LDB2: variants seen among roughly 807,000 people sequenced by gnomAD.
LDB2 encodes the protein LIM domain-binding protein 2.
A neutral mutation model predicts 44.3 loss-of-function variants in LDB2; 12 were observed. The ratio of observed to expected loss-of-function variants is 0.27; its 90% CI spans 0.17 to 0.44. The LOEUF is 0.44. LDB2 is among the 20% of genes least tolerant of loss of function. The pLI, the probability that LDB2 is intolerant of heterozygous loss-of-function variation, is 1.00. For synonymous variants in LDB2, 164 were observed against 174.8 expected (o/e 0.94, Z 0.49); for missense variants, 344 against 473.5 (o/e 0.73, Z 2.54).
rs60115973 is a variant in LDB2, at chr4:16,538,803, T to A, written c.616-26699A>T. Among the ~76,000 whole-genome samples, 1,377 of 152,342 alleles carry A rather than the reference T, an allele frequency of 9.0e-3. 46 individuals are homozygous for A. The East Asian group carries it at 0.12, about 14-fold the overall frequency. Reference sequence around the variant, plus strand: ...GCCTCTACTATGTGTTTGGCACTATTATTAAGTAGTCTGCATGTATTTTTA... The same window carrying A: ...GCCTCTACTATGTGTTTGGCACTATAATTAAGTAGTCTGCATGTATTTTTA... On this transcript the variant is annotated intron_variant, in intron 5 of 7. Coordinates refer to ENST00000304523, the MANE Select transcript of LDB2 (RefSeq NM_001290.5).
At chr4:16,542,110 G>GGGC (rs1553889229) in intron 5 of LDB2, among the ~76,000 whole-genome samples, 2 of 143,990 alleles carry the variant, frequency 1.4e-5, no homozygotes, top group Non-Finnish European at 3.0e-5. Flanking sequence ...GTGGGGGGGG[G>GGGC]GGCGCGAGCA....
In LDB2 at chr4:16,738,620, G is replaced by A. The variant is rs116242400; in HGVS notation, c.235+20538C>T. On this transcript the variant is annotated intron_variant, in intron 2 of 7. Coordinates refer to ENST00000304523, the MANE Select transcript of LDB2 (RefSeq NM_001290.5). Reference sequence around the variant, plus strand: ...ATGTCAAATGTGAAGAGACACTTTTGCTTTCACATTTTCTATGAAGACTCT... The same window carrying A: ...ATGTCAAATGTGAAGAGACACTTTTACTTTCACATTTTCTATGAAGACTCT... 2.5e-3 allele frequency among the ~76,000 whole-genome samples: 374 copies of A among 152,276 alleles called. 2 individuals carry two copies. The highest frequency in any genetic ancestry group is 8.5e-3 in the African/African-American group (352 of 41,560).
At chr4:16,796,646 TG>T (rs142820667) in intron 1 of LDB2, among the ~76,000 whole-genome samples, 5,432 of 152,150 alleles carry the variant, frequency 0.036, 328 homozygotes, top group African/African-American at 0.12. Flanking sequence ...CCAAAGAGTA[TG>T]GTAAGGAAAC....
Position 16,658,006 on chromosome 4 carries a change from G to A in LDB2, c.236-62131C>T, listed in dbSNP as rs890472591. 5.9e-5 allele frequency among the ~76,000 whole-genome samples: 9 copies of A among 152,118 alleles called. No individual in the cohort carries two copies. In the South Asian group the frequency reaches 6.2e-4, roughly 11 times the overall value. ...ATTTATCTACAAATAAGTCACTGTC[G>A]CAATTTTATGTTACGAGTATATTGA... On this transcript the variant is annotated intron_variant, in intron 2 of 7. Transcript: ENST00000304523.
At chr4:16,759,128 T>C (rs768292676) in intron 2 of LDB2, 30 bp downstream of exon 2, 75 of 1,483,392 alleles carry the variant, frequency 5.1e-5, no homozygotes, top group South Asian at 1.0e-4. Flanking sequence ...CAAAACGAGG[T>C]AATATTAGAA....
intron 7 of LDB2, among the ~76,000 whole-genome samples, chr4:16,503,387 T>C (rs1304641985): frequency 1.3e-5 from 2 of 152,186 alleles, no homozygotes; most frequent in Non-Finnish European, 2.9e-5. Flanking sequence ...AGGGATGATA[T>C]ACATTTTAAT....
chr4:16,821,441 T>C (rs1275590670), intron 1 of LDB2, among the ~76,000 whole-genome samples: 1 of 150,326 alleles, frequency 6.7e-6, no homozygotes, highest in Non-Finnish European at 1.5e-5. Flanking sequence ...TGGAGTGCAG[T>C]GGCGCCATCT....
intron 5 of LDB2, among the ~76,000 whole-genome samples, chr4:16,573,727 G>A (rs1300507993): frequency 1.3e-5 from 2 of 152,056 alleles, no homozygotes; most frequent in African/African-American, 2.4e-5. Flanking sequence ...GGTTTCTTGC[G>A]GCTCTGTCAG....
chr4:16,517,884 TG>T (rs1184134477), intron 5 of LDB2, among the ~76,000 whole-genome samples: 1 of 12,286 alleles, frequency 8.1e-5, no homozygotes, highest in East Asian at 1.4e-3. Context: ...AATGAGTGGA[TG>T]GATGGATGGA....
chr4:16,748,862 G>A (rs889314837), intron 2 of LDB2, among the ~76,000 whole-genome samples: 1 of 152,172 alleles, frequency 6.6e-6, no homozygotes, highest in Non-Finnish European at 1.5e-5. Flanking sequence ...TATAAACAGA[G>A]GCAGAGGGTA....
chr4:16,582,232 C>T lies in LDB2; in HGVS notation c.615+3690G>A, dbSNP rs1714967866. ...TCACCTTGAGGGCATAAACCTGGCA[C>T]AAAGAAAGTGTGTCAGAAATGCTTG... On this transcript the variant is annotated intron_variant, in intron 5 of 7. Coordinates refer to ENST00000304523, the MANE Select transcript of LDB2 (RefSeq NM_001290.5). The surrounding 1 kb of genome is among the most constrained non-coding windows in gnomAD (Gnocchi z 4.8). Among the ~76,000 whole-genome samples the T allele has an allele frequency of 6.6e-6, 1 of 152,098 alleles. No homozygotes were observed. The highest frequency in any genetic ancestry group is 1.5e-5 in the Non-Finnish European group (1 of 68,006).
intron 2 of LDB2, among the ~76,000 whole-genome samples, chr4:16,704,664 T>A (rs1578922837): frequency 6.6e-6 from 1 of 152,360 alleles, no homozygotes; most frequent in East Asian, 1.9e-4. Context: ...ATGTCTGTTT[T>A]CAAGGCCTAT....
intron 2 of LDB2, among the ~76,000 whole-genome samples, chr4:16,621,491 A>C (rs1409430073): frequency 2.0e-5 from 3 of 152,222 alleles, no homozygotes; most frequent in Admixed American, 2.0e-4. Flanking sequence ...AGTTAGAAAG[A>C]GTTTGGGGTC....
At chr4:16,611,036 C>T (rs1202616890) in intron 2 of LDB2, among the ~76,000 whole-genome samples, 1 of 152,122 alleles carries the variant, frequency 6.6e-6, no homozygotes, top group Non-Finnish European at 1.5e-5. Context: ...ACTCTACAAG[C>T]CAGAAGAGAT....
chr4:16,650,829 C>T (rs1738075592), intron 2 of LDB2, among the ~76,000 whole-genome samples: 1 of 152,192 alleles, frequency 6.6e-6, no homozygotes, highest in Admixed American at 6.5e-5. Context: ...TGAAGACTGT[C>T]ATATCAATGG....
chr4:16,518,052 C>G (rs1234998433), intron 5 of LDB2, among the ~76,000 whole-genome samples: 1 of 152,204 alleles, frequency 6.6e-6, no homozygotes, highest in Non-Finnish European at 1.5e-5. Context: ...TTGTCTCCTG[C>G]ATGCAAAATG....
intron 7 of LDB2, among the ~76,000 whole-genome samples, chr4:16,507,540 A>G (rs530193751): frequency 1.1e-4 from 16 of 152,264 alleles, no homozygotes; most frequent in Admixed American, 1.3e-4. Flanking sequence ...GGTGAGGGGG[A>G]AAAACGTGGG....
intron 2 of LDB2, among the ~76,000 whole-genome samples, chr4:16,608,541 C>A (rs188002307): frequency 6.6e-6 from 1 of 152,184 alleles, no homozygotes; most frequent in Non-Finnish European, 1.5e-5. Flanking sequence ...GCGGCCTCTG[C>A]GCATTCTATG....
chr4:16,825,369 T>A (rs1782859382), intron 1 of LDB2, among the ~76,000 whole-genome samples: 1 of 152,104 alleles, frequency 6.6e-6, no homozygotes, highest in African/African-American at 2.4e-5. Context: ...ACCCAGAGAA[T>A]GAGGAATACT....
Sources: allele counts gnomAD v4.1 joint callset (sites outside exome capture counted in the v4.1 genomes callset), GRCh38; gene constraint gnomAD v4.1.1; non-coding constraint Gnocchi (gnomAD v3.1); transcripts MANE v1.5; gene names NCBI Gene and HGNC (gene_info 2026-07-23, HGNC 2026-07-21).